Variants in FAM118A observed in about 807,000 individuals in gnomAD.
FAM118A encodes SIR2 antiphage like 2.
A neutral mutation model predicts 38.2 loss-of-function variants in FAM118A; 25 were observed. The ratio of observed to expected loss-of-function variants is 0.65; its 90% CI spans 0.48 to 0.91. The LOEUF (loss-of-function observed/expected upper bound fraction) is 0.91. FAM118A is among the 40% of genes least tolerant of loss of function. The pLI, the probability that FAM118A is intolerant of heterozygous loss-of-function variation, is 0.00. For synonymous variants in FAM118A, 178 were observed against 184.1 expected (o/e 0.97, Z 0.27); for missense variants, 425 against 463.3 (o/e 0.92, Z 0.76).
In FAM118A at chr22:45,310,014, G is replaced by C. The variant is rs944051819; in HGVS notation, c.-179G>C. On this transcript the variant is annotated 5_prime_UTR_variant, in exon 1 of 9. Transcript: ENST00000441876. ...CGCTCTGGCTCCGACTCCGGCTCTC[G>C]CTCTCGCTTCTAGCCCGCGTGCCTG... 1 of 152,070 alleles carries C rather than the reference G, an allele frequency of 6.6e-6. No individual in the cohort carries two copies. Among genetic ancestry groups the C allele is most frequent in the Non-Finnish European group, 1.5e-5 (1 of 67,926 alleles). The allele number at this position is 152,070 out of a possible 1,614,324, so 9.4% of individuals were successfully genotyped here. A position where few individuals can be genotyped will look rare whatever the true frequency, so the allele number is the denominator to read the frequency against.
At chr22:45,309,877 G>T (rs1268632515), upstream of FAM118A, 2 of 152,192 alleles carry the variant, frequency 1.3e-5, no homozygotes, top group African/African-American at 2.4e-5. Flanking sequence ...CCGCGGGGCC[G>T]TTGGTTTCGG....
intron 1 of FAM118A, among the ~76,000 whole-genome samples, chr22:45,311,797 T>C (rs1017445137): frequency 4.6e-5 from 7 of 152,194 alleles, no homozygotes; most frequent in Non-Finnish European, 1.0e-4. Flanking sequence ...ACTGTGGCTT[T>C]CTGGAACGGG....
rs1164664011 is a variant in FAM118A, at chr22:45,341,417, GT to G, written c.*1015del. On this transcript the variant is annotated 3_prime_UTR_variant, in exon 9 of 9. Coordinates refer to ENST00000441876, the MANE Select transcript of FAM118A (RefSeq NM_017911.4). The stretch of plus-strand genomic sequence containing the variant: ...GGATAGCTCAAGTTCGAGAGACCAG[GT>G]TTCAAACATTATAAGTTCCAGGCTT... 1 of 152,190 alleles carries G rather than the reference GT, an allele frequency of 6.6e-6. No homozygotes were observed. Among genetic ancestry groups the G allele is most frequent in the Non-Finnish European group, 1.5e-5 (1 of 68,044 alleles). The allele number at this position is 152,190 out of a possible 1,614,324, so 9.4% of individuals were successfully genotyped here.
At chr22:45,322,110 G>A in intron 1 of FAM118A, 1 of 1,255,472 alleles carries the variant, frequency 8.0e-7, no homozygotes, top group Non-Finnish European at 1.1e-6. Flanking sequence ...ATCTGCTCCT[G>A]TGTGTGCGTT....
intron 7 of FAM118A, 110 bp downstream of exon 7, chr22:45,335,492 C>T: frequency 7.7e-6 from 10 of 1,300,536 alleles, no homozygotes; most frequent in African/African-American, 1.5e-5. Flanking sequence ...AAATAATTAG[C>T]TTGTATTAAA....
chr22:45,316,318 G>C (rs898948764), intron 1 of FAM118A, among the ~76,000 whole-genome samples: 2 of 152,174 alleles, frequency 1.3e-5, no homozygotes, highest in Non-Finnish European at 2.9e-5. Flanking sequence ...GGGATTACAG[G>C]TGTGAGCCTC....
chr22:45,337,382 C>A (rs564003803), intron 8 of FAM118A, among the ~76,000 whole-genome samples: 1 of 152,218 alleles, frequency 6.6e-6, no homozygotes, highest in Non-Finnish European at 1.5e-5. Context: ...GTGCCAGCTG[C>A]GGATGTGTCC....
chr22:45,330,590 TGA>T lies in FAM118A; in HGVS notation c.523-12_523-11del. ...GAGGATGTGTTTCTTTTTCTTGGCTTGATGTTTGGTAGGTCCTTGAATGGGCA... is the reference window on the plus strand; with the variant it reads ...GAGGATGTGTTTCTTTTTCTTGGCTTTGTTTGGTAGGTCCTTGAATGGGCA... On this transcript the variant is annotated splice_polypyrimidine_tract_variant and intron_variant, in intron 4 of 8. Transcript: ENST00000441876. 1 of 1,521,016 alleles carries T rather than the reference TGA, an allele frequency of 6.6e-7. No individual in the cohort carries two copies. Among genetic ancestry groups the T allele is most frequent in the Non-Finnish European group, 8.8e-7 (1 of 1,137,288 alleles). The allele number at this position is 1,521,016 out of a possible 1,614,324, so 94.2% of individuals were successfully genotyped here.
At chr22:45,334,259 A>G (rs2146706066) in intron 6 of FAM118A, among the ~76,000 whole-genome samples, 1 of 152,308 alleles carries the variant, frequency 6.6e-6, no homozygotes, top group South Asian at 2.1e-4. Flanking sequence ...AACATTGATG[A>G]TGGCAAGCTT....
At chr22:45,309,804 C>CGGCGGGGCGG (rs71190659), upstream of FAM118A, 570 of 151,126 alleles carry the variant, frequency 3.8e-3, 9 homozygotes, top group East Asian at 0.035. Flanking sequence ...GAGGATCTGG[C>CGGCGGGGCGG]GGCGGGGCGG....
At chr22:45,331,281 A>G (rs1213031816) in intron 5 of FAM118A, among the ~76,000 whole-genome samples, 1 of 152,154 alleles carries the variant, frequency 6.6e-6, no homozygotes, top group East Asian at 1.9e-4. Flanking sequence ...CTGGGATCGC[A>G]CCACTGCACT....
At chr22:45,335,323 C>T (rs1341274039) in intron 6 of FAM118A, 27 bp from the exon 7 acceptor site, 8 of 1,614,032 alleles carry the variant, frequency 5.0e-6, no homozygotes, top group South Asian at 1.1e-5. Flanking sequence ...GTCTCGGCTC[C>T]ACTGACTGCT....
rs6007594 is a variant in FAM118A, at chr22:45,332,489, G to A, written c.716G>A (p.Arg239His). 497,623 of 1,613,870 alleles carry A rather than the reference G, an allele frequency of 0.31. 88,987 individuals carry two copies. The highest frequency in any genetic ancestry group is 0.76 in the African/African-American group (56,968 of 74,958). Reference protein sequence around the residue: ...FLFVGCGETLRDQIFQALFLY... With the variant: ...FLFVGCGETLHDQIFQALFLY... ...TTTGTGGGCTGTGGGGAGACCCTTCGTGATCAGATATTCCAGGCCCTCTTT... is the reference window on the plus strand; with the variant it reads ...TTTGTGGGCTGTGGGGAGACCCTTCATGATCAGATATTCCAGGCCCTCTTT... The change falls in exon 6 of 9, where the codon CGT becomes CAT. Residue 239 changes from arginine (R) to histidine (H), a missense_variant. Arg to His is a conservative substitution (Grantham distance 29, BLOSUM62 0). Coordinates refer to ENST00000441876, the MANE Select transcript of FAM118A (RefSeq NM_017911.4).
chr22:45,322,244 G>A, intron 1 of FAM118A, 127 bp from the exon 2 acceptor site: 3 of 1,554,394 alleles, frequency 1.9e-6, no homozygotes, highest in East Asian at 2.4e-5. Context: ...ACATTTTTCA[G>A]ATATTATAAT....
rs760213409 is a variant in FAM118A at position 45,332,568 on chromosome 22, GGA to G, written c.798_799del (p.Asn267Ter). On this transcript the variant is annotated frameshift_variant, in exon 6 of 9. Coordinates refer to ENST00000441876, the MANE Select transcript of FAM118A (RefSeq NM_017911.4). LOFTEE classifies it high-confidence loss of function. ...DLEHYMLVLKENEDHFFKHQA... is the reference protein window; with the variant it reads ...DLEHYMLVLKXNEDHFFKHQA... The stretch of plus-strand genomic sequence containing the variant: ...TGGAGCACTACATGCTTGTGCTGAA[GGA>G]GAATGAAGACCATTTCTTTAAGCAT... 4 of 1,614,154 alleles carry G rather than the reference GGA, an allele frequency of 2.5e-6. No homozygotes were observed. Among genetic ancestry groups the G allele is most frequent in the Non-Finnish European group, 3.4e-6 (4 of 1,180,024 alleles).
chr22:45,334,715 G>T (rs1026383568), intron 6 of FAM118A, among the ~76,000 whole-genome samples: 1 of 152,202 alleles, frequency 6.6e-6, no homozygotes, highest in Admixed American at 6.5e-5. Context: ...TTGAAGCTGG[G>T]ATTGGGATCC....
rs768071717 is a variant in FAM118A at position 45,335,310 on chromosome 22, G to C, written c.938-40G>C. On this transcript the variant is annotated intron_variant, in intron 6 of 8. Coordinates refer to ENST00000441876, the MANE Select transcript of FAM118A (RefSeq NM_017911.4). ...GGGTGGCCGAGGAGGACGAGCTCTT[G>C]GTGTCTCGGCTCCACTGACTGCTTT... 5 of 1,613,194 alleles carry C rather than the reference G, an allele frequency of 3.1e-6. No homozygotes were observed. In the African/African-American group the frequency reaches 6.7e-5, roughly 22 times the overall value.
At chr22:45,333,459 G>A (rs1367274081) in intron 6 of FAM118A, among the ~76,000 whole-genome samples, 2 of 152,090 alleles carry the variant, frequency 1.3e-5, no homozygotes, top group African/African-American at 2.4e-5. Flanking sequence ...TGGATCACGA[G>A]GTCAGGAGAT....
chr22:45,322,639 A>C (rs1162019272), intron 2 of FAM118A, among the ~76,000 whole-genome samples: 3 of 152,206 alleles, frequency 2.0e-5, no homozygotes, highest in Admixed American at 2.0e-4. Flanking sequence ...AAACCAAGCA[A>C]CATGTCATTA....
Sources: gnomAD v4.1 joint callset for allele counts (sites outside exome capture counted in the v4.1 genomes callset) on GRCh38, gnomAD v4.1.1 for gene constraint, MANE v1.5 for transcripts, NCBI Gene and HGNC (gene_info 2026-07-23, HGNC 2026-07-21) for gene names.